The following TXK variants were observed in gnomAD, a reference collection of about 807,000 sequenced individuals.
TXK encodes the protein TXK tyrosine kinase.
Under a neutral mutation model 81.0 loss-of-function variants are expected in TXK, and 60 were observed. The observed-to-expected ratio is 0.74, with a 90% CI of 0.60 to 0.92. TXK has a LOEUF of 0.92. Among genes scored for constraint, TXK ranks in the 40% least tolerant of loss-of-function variants. TXK has a pLI of 0.00. For missense variants in TXK, 581 were observed against 638.3 expected (o/e 0.91, Z 0.97); for synonymous variants, 203 against 210.7 (o/e 0.96, Z 0.32).
At chr4:48,073,812 G>A (rs1307523880) in intron 13 of TXK, 123 bp downstream of exon 13, 2 of 672,810 alleles carry the variant, frequency 3.0e-6, no homozygotes, top group Non-Finnish European at 5.1e-6. Context: ...CACACAGAAG[G>A]AAGCACAATT....
At chr4:48,104,849 T>C in intron 6 of TXK, 52 bp downstream of exon 6, 1 of 1,426,554 alleles carries the variant, frequency 7.0e-7, no homozygotes, top group Non-Finnish European at 9.7e-7. Context: ...GTTAAAGTCT[T>C]TATAAGTACT....
intron 8 of TXK, among the ~76,000 whole-genome samples, chr4:48,093,632 T>C (rs1717865157): frequency 6.6e-6 from 1 of 152,218 alleles, no homozygotes; most frequent in Admixed American, 6.5e-5. Flanking sequence ...CTGTGACTTT[T>C]TATATTCTCC....
At chr4:48,075,381 G>A (rs538029084) in intron 12 of TXK, among the ~76,000 whole-genome samples, 2 of 152,258 alleles carry the variant, frequency 1.3e-5, no homozygotes, top group Admixed American at 6.5e-5. Context: ...GGCCAGGTGA[G>A]ACTGCTCACA....
At chr4:48,126,126 A>G (rs1719083476) in intron 1 of TXK, among the ~76,000 whole-genome samples, 1 of 151,868 alleles carries the variant, frequency 6.6e-6, no homozygotes, top group South Asian at 2.1e-4. Context: ...CACTTGAAAA[A>G]CATGGTATAA....
intron 6 of TXK, among the ~76,000 whole-genome samples, chr4:48,097,748 A>AT (rs564793266): frequency 0.02 from 2,322 of 114,384 alleles, 32 homozygotes; most frequent in Non-Finnish European, 0.023. Context: ...AAGCTACCAC[A>AT]TTTTTTTTTT....
At chr4:48,073,815 G>C in intron 13 of TXK, 120 bp downstream of exon 13, 1 of 686,426 alleles carries the variant, frequency 1.5e-6, no homozygotes, top group East Asian at 2.8e-5. Flanking sequence ...ACAGAAGGAA[G>C]CACAATTACA....
At chr4:48,094,231 A>T in intron 7 of TXK, 27 bp from the exon 8 acceptor site, 6 of 1,609,876 alleles carry the variant, frequency 3.7e-6, no homozygotes, top group Non-Finnish European at 5.1e-6. Flanking sequence ...GTGAATTACT[A>T]GAAATGTGAA....
chr4:48,066,589 A>G lies in TXK; in HGVS notation c.*1048T>C, dbSNP rs1577639524. ...ACGCAAATAATGGGCTCCTGTTGTC[A>G]GACTTCATGGTGATTACATTAGTGC... On this transcript the variant is annotated 3_prime_UTR_variant, in exon 15 of 15. Coordinates refer to ENST00000264316, the MANE Select transcript of TXK (RefSeq NM_003328.3). 1.3e-5 allele frequency: 2 copies of G among 152,344 alleles called. No individual in the cohort carries two copies. Among genetic ancestry groups the G allele is most frequent in the Admixed American group, 1.3e-4 (2 of 15,304 alleles). 9.4% of individuals were successfully genotyped at this position (152,344 alleles called of 1,614,324 possible).
chr4:48,082,321 C>T (rs773359122), intron 10 of TXK, among the ~76,000 whole-genome samples: 8 of 152,296 alleles, frequency 5.3e-5, no homozygotes, highest in Non-Finnish European at 1.2e-4. Flanking sequence ...AACACAGACA[C>T]TGAGACTGAT....
intron 1 of TXK, among the ~76,000 whole-genome samples, chr4:48,130,060 G>A (rs1719206742): frequency 6.6e-6 from 1 of 152,222 alleles, no homozygotes; most frequent in South Asian, 2.1e-4. Flanking sequence ...GGCAGCTGCA[G>A]TGACGAGTTA....
intron 6 of TXK, among the ~76,000 whole-genome samples, chr4:48,099,493 C>T (rs1336562012): frequency 1.3e-5 from 2 of 152,098 alleles, no homozygotes; most frequent in Non-Finnish European, 2.9e-5. Context: ...TTTGTAATGC[C>T]TGAAAATTTT....
At chr4:48,089,942 C>T (rs1249287677) in intron 8 of TXK, 118 bp from the exon 9 acceptor site, 7 of 654,686 alleles carry the variant, frequency 1.1e-5, no homozygotes, top group Non-Finnish European at 1.8e-5. Flanking sequence ...TTCATTCTAC[C>T]AGTTAGTCAG....
chr4:48,123,873 T>C (rs1719020105), intron 1 of TXK, among the ~76,000 whole-genome samples: 1 of 152,160 alleles, frequency 6.6e-6, no homozygotes, highest in African/African-American at 2.4e-5. Flanking sequence ...CCTGACTACT[T>C]TAGCTTTCAC....
At chr4:48,094,300 T>C in intron 7 of TXK, 96 bp from the exon 8 acceptor site, 1 of 1,370,648 alleles carries the variant, frequency 7.3e-7, no homozygotes, top group South Asian at 1.2e-5. Flanking sequence ...CTAAAACTCA[T>C]CCTAGCAACA....
intron 1 of TXK, 126 bp from the exon 2 acceptor site, chr4:48,114,528 C>T (rs1718741588): frequency 1.1e-6 from 1 of 948,566 alleles, no homozygotes; most frequent in African/African-American, 1.6e-5. Context: ...CCTTCCTTCA[C>T]TAGTGGAAGA....
chr4:48,087,716 T>G (rs1717591779), intron 9 of TXK, among the ~76,000 whole-genome samples: 1 of 152,192 alleles, frequency 6.6e-6, no homozygotes, highest in African/African-American at 2.4e-5. Flanking sequence ...ATTATAGGCA[T>G]GAGCCACCAC....
intron 5 of TXK, among the ~76,000 whole-genome samples, chr4:48,106,879 GT>G (rs1718475874): frequency 6.6e-6 from 1 of 152,000 alleles, no homozygotes; most frequent in East Asian, 1.9e-4. Context: ...TTTTAAACTT[GT>G]TATCCGAAGT....
At chr4:48,097,624 GGC>G (rs1488567569) in intron 6 of TXK, among the ~76,000 whole-genome samples, 15 of 151,682 alleles carry the variant, frequency 9.9e-5, no homozygotes, top group Non-Finnish European at 2.2e-4. Context: ...TTTTAGTAGA[GGC>G]AGGGTTTCAT....
rs746730856 is a variant in TXK, at chr4:48,134,186, G to A, written c.-16C>T. The A allele has an allele frequency of 1.5e-5, 25 of 1,613,060 alleles. No individual in the cohort carries two copies. Among genetic ancestry groups the A allele is most frequent in the Admixed American group, 8.3e-5 (5 of 59,882 alleles). Reference sequence around the variant, plus strand: ...AAAGGATCATGGTAGCCCCTTCTGCGGGGAGCACACAACAGTCTTCAGTTC... The same window carrying A: ...AAAGGATCATGGTAGCCCCTTCTGCAGGGAGCACACAACAGTCTTCAGTTC... On this transcript the variant is annotated 5_prime_UTR_variant, in exon 1 of 15. Coordinates refer to ENST00000264316, the MANE Select transcript of TXK (RefSeq NM_003328.3).
Sources: allele counts gnomAD v4.1 joint callset (sites outside exome capture counted in the v4.1 genomes callset), GRCh38; gene constraint gnomAD v4.1.1; transcripts MANE v1.5; gene names NCBI Gene and HGNC (gene_info 2026-07-23, HGNC 2026-07-21).